Variants in GANC observed in about 807,000 individuals in gnomAD.
GANC encodes the protein glucosidase alpha, neutral C, also known as neutral alpha-glucosidase C.
Under a neutral mutation model 124.2 loss-of-function variants are expected in GANC, and 117 were observed. That is an observed-to-expected ratio of 0.94 (90% CI 0.81 to 1.10). The LOEUF is 1.10. Ranked by LOEUF, GANC falls within the 50% of genes least tolerant of loss-of-function variation. GANC has a pLI of 0.00. For synonymous variants in GANC, 377 were observed against 376.8 expected (o/e 1.00, Z -0.01); for missense variants, 1,140 against 1,095.0 (o/e 1.04, Z -0.58).
Position 42,348,085 on chromosome 15 carries a change from C to T in GANC, c.2305-18C>T, listed in dbSNP as rs780000523. 59 of 1,370,252 alleles carry T rather than the reference C, an allele frequency of 4.3e-5. No homozygotes were observed. The highest frequency in any genetic ancestry group is 5.4e-5 in the Non-Finnish European group (53 of 985,648). The allele number at this position is 1,370,252 out of a possible 1,614,324, so 84.9% of individuals were successfully genotyped here. A position where few individuals can be genotyped will look rare whatever the true frequency, so the allele number is the denominator to read the frequency against. On this transcript the variant is annotated intron_variant, in intron 20 of 23. Coordinates refer to ENST00000318010, the MANE Select transcript of GANC (RefSeq NM_198141.3). ...CTTATATGAATACTGCTTCCCTGAGCGTGCTGCTCTGTTACAGATTCCAGT... is the reference window on the plus strand; with the variant it reads ...CTTATATGAATACTGCTTCCCTGAGTGTGCTGCTCTGTTACAGATTCCAGT...
chr15:42,314,255 A>G (rs1490993258), intron 10 of GANC: 1 of 684,102 alleles, frequency 1.5e-6, no homozygotes, highest in Admixed American at 2.2e-5. Flanking sequence ...CCAGCATGGA[A>G]TTTAAAGCCT....
At chr15:42,290,286 C>T (rs914754065) in intron 4 of GANC, among the ~76,000 whole-genome samples, 6 of 152,222 alleles carry the variant, frequency 3.9e-5, no homozygotes, top group Non-Finnish European at 5.9e-5. Context: ...TACAACTTCA[C>T]TGAAGAGTTT....
chr15:42,332,851 TAAA>T (rs5812220), intron 15 of GANC, among the ~76,000 whole-genome samples: 152 of 120,488 alleles, frequency 1.3e-3, no homozygotes, highest in Middle Eastern at 8.1e-3. Flanking sequence ...CTGTCTCTAC[TAAA>T]AAAAAAAAAA....
rs969261502 is a variant in GANC at position 42,310,708 on chromosome 15, A to T, written c.919A>T (p.Met307Leu). 1.2e-6 allele frequency: 2 copies of T among 1,611,380 alleles called. No homozygotes were observed. The highest frequency in any genetic ancestry group is 4.5e-5 in the East Asian group (2 of 44,780). ...EPAVEYTLTQ[M>L]GPVAAKQKVR... is the part of the protein sequence containing the mutation. ...CTTTTTCCAGTACACACTGACCCAG[A>T]TGGGCCCAGTTGCTGCTAAACAAAA... Residue 307 changes from methionine (M) to leucine (L), a missense_variant, in exon 10 of 24, where the codon ATG becomes TTG. By Grantham distance (15) the Met-to-Leu change is conservative. Coordinates refer to ENST00000318010, the MANE Select transcript of GANC (RefSeq NM_198141.3).
intron 7 of GANC, 151 bp from the exon 8 acceptor site, chr15:42,308,071 G>C: frequency 2.0e-6 from 1 of 493,900 alleles, no homozygotes; most frequent in Non-Finnish European, 3.7e-6. Context: ...ATATCTCACA[G>C]AGGGTCAGTA....
At position 42,353,210 on chromosome 15, in the gene GANC, GT is replaced by G. The variant is rs983879473; in HGVS notation, c.*1075del. 20 of 985,984 alleles carry G rather than the reference GT, an allele frequency of 2.0e-5. No homozygotes were observed. The African/African-American group carries it at 2.8e-4, about 14-fold the overall frequency. 61.1% of individuals were successfully genotyped at this position (985,984 alleles called of 1,614,324 possible). A position where few individuals can be genotyped will look rare whatever the true frequency, so the allele number is the denominator to read the frequency against. Reference sequence around the variant, plus strand: ...CTCCCTGCTGCCTGCCACAGCATCTGTTTTAGCAGCCTCGACTCCTCAGCAC... The same window carrying G: ...CTCCCTGCTGCCTGCCACAGCATCTGTTTAGCAGCCTCGACTCCTCAGCAC... On this transcript the variant is annotated 3_prime_UTR_variant, in exon 24 of 24. Transcript: ENST00000318010.
chr15:42,276,438 T>C (rs1267493064), intron 2 of GANC, 28 bp downstream of exon 2: 1 of 973,670 alleles, frequency 1.0e-6, no homozygotes. Flanking sequence ...AGTAGCTAGA[T>C]CAAAACATCT....
chr15:42,338,607 A>G, intron 16 of GANC, 117 bp downstream of exon 16: 4 of 750,244 alleles, frequency 5.3e-6, no homozygotes, highest in Non-Finnish European at 9.1e-6. Flanking sequence ...AAATGTGGGA[A>G]AGAAAAAATG....
rs751933641 is a variant in GANC at position 42,349,365 on chromosome 15, CTG to C, written c.2419-15_2419-14del. ...GCTATCATATAAGCACATTCTGTCTCTGTGATTCATTCTCCAGGGTTCTTCAG... is the reference window on the plus strand; with the variant it reads ...GCTATCATATAAGCACATTCTGTCTCTGATTCATTCTCCAGGGTTCTTCAG... On this transcript the variant is annotated splice_polypyrimidine_tract_variant and intron_variant, in intron 21 of 23. Coordinates refer to ENST00000318010, the MANE Select transcript of GANC (RefSeq NM_198141.3). The C allele has an allele frequency of 2.8e-6, 4 of 1,416,666 alleles. No homozygotes were observed. The African/African-American group carries it at 4.2e-5, about 15-fold the overall frequency. The allele number at this position is 1,416,666 out of a possible 1,614,324, so 87.8% of individuals were successfully genotyped here. A position where few individuals can be genotyped will look rare whatever the true frequency, so the allele number is the denominator to read the frequency against.
At chr15:42,330,435 A>G (rs896237308) in intron 14 of GANC, 141 bp from the exon 15 acceptor site, 1 of 593,266 alleles carries the variant, frequency 1.7e-6, no homozygotes, top group Non-Finnish European at 2.9e-6. Flanking sequence ...TATACCATGA[A>G]AATTATTTGA....
At chr15:42,324,562 A>G (rs1020526968) in intron 11 of GANC, among the ~76,000 whole-genome samples, 1 of 152,182 alleles carries the variant, frequency 6.6e-6, no homozygotes, top group African/African-American at 2.4e-5. Context: ...CCATTGACAG[A>G]CGAATATGTA....
At chr15:42,295,243 C>T (rs914580181) in intron 5 of GANC, among the ~76,000 whole-genome samples, 10 of 151,882 alleles carry the variant, frequency 6.6e-5, no homozygotes, top group Non-Finnish European at 1.5e-4. Context: ...CAAAGTGCTG[C>T]GATTGCAGGC....
intron 3 of GANC, chr15:42,281,129 C>A (rs1472403352): frequency 2.8e-6 from 2 of 702,414 alleles, no homozygotes; most frequent in East Asian, 2.7e-5. Context: ...AAACTCCATG[C>A]TCAGGTATTA....
At chr15:42,280,118 T>G (rs1451322052) in intron 3 of GANC, among the ~76,000 whole-genome samples, 1 of 152,210 alleles carries the variant, frequency 6.6e-6, no homozygotes, top group Non-Finnish European at 1.5e-5. Context: ...TGTCCTCAAC[T>G]TCTACAACAT....
chr15:42,339,006 C>G (rs1219805567), intron 16 of GANC, among the ~76,000 whole-genome samples: 1 of 152,148 alleles, frequency 6.6e-6, no homozygotes, highest in Non-Finnish European at 1.5e-5. Flanking sequence ...TAAGAATTCT[C>G]TGTAGATGAG....
chr15:42,296,878 C>G (rs1316773268), intron 5 of GANC, among the ~76,000 whole-genome samples: 1 of 123,054 alleles, frequency 8.1e-6, no homozygotes, highest in Non-Finnish European at 1.6e-5. Context: ...AAGATATGGT[C>G]TCACTATGTT....
At position 42,276,400 on chromosome 15, in the gene GANC, G is replaced by A. The variant is rs776831151; in HGVS notation, c.82G>A (p.Ala28Thr). ...KNIFRDCNKI[A>T]FYRRQKQWLS... is the part of the protein sequence containing the mutation. ...CATTTTCAGAGACTGTAACAAGATC[G>A]CATTTTACAGGTAAGGAAAATAAAT... Residue 28 changes from alanine to threonine, a missense_variant, in exon 2 of 24, where the codon GCA (alanine) becomes ACA (threonine). Ala to Thr is a moderately conservative substitution (Grantham distance 58). Transcript: ENST00000318010. 1.4e-5 allele frequency: 20 copies of A among 1,414,930 alleles called. No homozygotes were observed. The highest frequency in any genetic ancestry group is 8.4e-5 in the African/African-American group (6 of 71,322). 87.6% of individuals were successfully genotyped at this position (1,414,930 alleles called of 1,614,324 possible).
intron 3 of GANC, among the ~76,000 whole-genome samples, chr15:42,287,016 C>G (rs894909865): frequency 3.3e-5 from 5 of 152,190 alleles, no homozygotes; most frequent in African/African-American, 1.2e-4. Context: ...GCTTCTTGTT[C>G]TGTGTTTTAT....
intron 14 of GANC, 140 bp downstream of exon 14, chr15:42,329,589 G>C: frequency 1.4e-6 from 1 of 715,292 alleles, no homozygotes; most frequent in Non-Finnish European, 2.1e-6. Flanking sequence ...ATGAGTCTTA[G>C]GTAGTAGCCA....
Sources: allele counts gnomAD v4.1 joint callset (sites outside exome capture counted in the v4.1 genomes callset), GRCh38; gene constraint gnomAD v4.1.1; transcripts MANE v1.5; gene names NCBI Gene and HGNC (gene_info 2026-07-23, HGNC 2026-07-21).